Variants in NCS1 observed in about 807,000 individuals in gnomAD.
NCS1 encodes the protein frequenin homolog.
Under a neutral mutation model 28.4 loss-of-function variants are expected in NCS1, and 6 were observed. That is an observed-to-expected ratio of 0.21 (90% CI 0.12 to 0.42). NCS1 has a LOEUF of 0.42. NCS1 is among the 10% of genes least tolerant of loss of function. NCS1 has a pLI of 1.00. For synonymous variants in NCS1, 86 were observed against 99.3 expected, an observed-to-expected ratio of 0.87 and a Z score of 0.79; for missense variants, 131 against 241.4, an observed-to-expected ratio of 0.54 and a Z score of 3.03.
chr9:130,229,181 A>G (rs782398182), intron 7 of NCS1, among the ~76,000 whole-genome samples: 14 of 152,116 alleles, frequency 9.2e-5, no homozygotes, highest in Non-Finnish European at 1.8e-4. Context: ...CACTTACAAA[A>G]CTTAACACTC....
chr9:130,211,013 T>TTTC (rs1324009505), intron 2 of NCS1, among the ~76,000 whole-genome samples: 1 of 131,502 alleles, frequency 7.6e-6, no homozygotes, highest in African/African-American at 3.1e-5. Context: ...TCCACTAATT[T>TTTC]TTTTTTTTTT....
At chr9:130,223,774 A>C (rs1198282772) in intron 6 of NCS1, among the ~76,000 whole-genome samples, 1 of 152,146 alleles carries the variant, frequency 6.6e-6, no homozygotes, top group Non-Finnish European at 1.5e-5. Context: ...TTAGTAAAAA[A>C]AGGCTGATTT....
At chr9:130,200,679 G>T in intron 1 of NCS1, 2 of 1,548,442 alleles carry the variant, frequency 1.3e-6, no homozygotes, top group Non-Finnish European at 1.7e-6. Flanking sequence ...GCCACAGGGC[G>T]TTCCTGGGGG....
At chr9:130,212,515 T>G (rs1006926380) in intron 2 of NCS1, among the ~76,000 whole-genome samples, 1 of 148,756 alleles carries the variant, frequency 6.7e-6, no homozygotes, top group African/African-American at 2.5e-5. Flanking sequence ...AGCCACTTAC[T>G]TTACTCACAG....
At chr9:130,188,560 T>C (rs1325107169) in intron 1 of NCS1, among the ~76,000 whole-genome samples, 2 of 151,816 alleles carry the variant, frequency 1.3e-5, no homozygotes, top group East Asian at 1.9e-4. Flanking sequence ...TACAGGCATG[T>C]GCCACCATGA....
chr9:130,189,127 C>T (rs1447858083), intron 1 of NCS1, among the ~76,000 whole-genome samples: 2 of 152,192 alleles, frequency 1.3e-5, no homozygotes, highest in African/African-American at 2.4e-5. Context: ...GTGTCTAGGT[C>T]ATTGCTGTGT....
At chr9:130,201,549 G>T (rs1832947555) in intron 2 of NCS1, among the ~76,000 whole-genome samples, 1 of 152,152 alleles carries the variant, frequency 6.6e-6, no homozygotes. Flanking sequence ...GGCTGGGCCT[G>T]GGGGAGGAGG....
intron 2 of NCS1, 148 bp downstream of exon 2, chr9:130,201,130 T>A (rs1832942365): frequency 8.9e-7 from 1 of 1,126,734 alleles, no homozygotes; most frequent in Non-Finnish European, 1.4e-6. Flanking sequence ...CTTTGTTCAG[T>A]GGCCTTTGTC....
At chr9:130,227,927 G>A (rs1833439412) in intron 7 of NCS1, among the ~76,000 whole-genome samples, 1 of 152,110 alleles carries the variant, frequency 6.6e-6, no homozygotes, top group Admixed American at 6.6e-5. Context: ...GGGAAAATTG[G>A]GATACTTGTC....
rs1302956098 is a variant in NCS1, at chr9:130,219,552, C to T, written c.229-173C>T. 2.0e-5 allele frequency among the ~76,000 whole-genome samples: 3 copies of T among 151,946 alleles called. No homozygotes were observed. Among genetic ancestry groups the T allele is most frequent in the Non-Finnish European group, 2.9e-5 (2 of 67,984 alleles). On this transcript the variant is annotated intron_variant, in intron 3 of 7. Coordinates refer to ENST00000372398, the MANE Select transcript of NCS1 (RefSeq NM_014286.4). This position sits in a 1 kb window ranked among gnomAD's most constrained non-coding sequence, Gnocchi z 5.7. The stretch of plus-strand genomic sequence containing the variant: ...CACACAGTCCCCCAGCCTCTGCTCC[C>T]CACCCTCTCCTTGCCTCTCGCCCCC...
intron 6 of NCS1, among the ~76,000 whole-genome samples, chr9:130,224,220 C>T (rs1366290117): frequency 2.7e-5 from 4 of 146,446 alleles, no homozygotes; most frequent in East Asian, 2.1e-4. Context: ...TTTGGGAGGC[C>T]GAGGCGGGTG....
rs1356063205 is a variant in NCS1 at position 130,198,660 on chromosome 9, G to T, written c.65-2298G>T. ...CCTGTGGGGTTTTTGTGAAGCTGAG[G>T]AGCGGCAAGCACTTCAGTTTTCCCA... On this transcript the variant is annotated intron_variant, in intron 1 of 7. Transcript: ENST00000372398. Among the ~76,000 whole-genome samples the T allele has an allele frequency of 2.6e-5, 4 of 152,192 alleles. No individual in the cohort carries two copies. The East Asian group carries it at 7.7e-4, about 29-fold the overall frequency.
In NCS1 at chr9:130,191,887, T is replaced by C. The variant is rs1832820892; in HGVS notation, c.65-9071T>C. 6.6e-6 allele frequency among the ~76,000 whole-genome samples: 1 copy of C among 152,126 alleles called. No homozygotes were observed. Among genetic ancestry groups the C allele is most frequent in the Non-Finnish European group, 1.5e-5 (1 of 68,016 alleles). On this transcript the variant is annotated intron_variant, in intron 1 of 7. Transcript: ENST00000372398. This position sits in a 1 kb window ranked among gnomAD's most constrained non-coding sequence, Gnocchi z 6.4. ...CAGTCCTGGCTGGCACTCAGCGAAC[T>C]GGGGTGGAGACAGTGACTGCCAAGG...
chr9:130,182,348 C>T (rs1554905213), intron 1 of NCS1, among the ~76,000 whole-genome samples: 1 of 152,186 alleles, frequency 6.6e-6, no homozygotes, highest in African/African-American at 2.4e-5. Context: ...TTGGAGTTCC[C>T]TGCCAAGGGG....
intron 1 of NCS1, among the ~76,000 whole-genome samples, chr9:130,184,977 A>G (rs1832720256): frequency 6.6e-6 from 1 of 151,994 alleles, no homozygotes; most frequent in Non-Finnish European, 1.5e-5. Flanking sequence ...GTCTCAAAAA[A>G]AAAAAAAGGG....
At chr9:130,217,698 C>T (rs1391164270) in intron 2 of NCS1, 134 bp from the exon 3 acceptor site, 1 of 1,318,736 alleles carries the variant, frequency 7.6e-7, no homozygotes, top group Non-Finnish European at 1.1e-6. Flanking sequence ...CCTATCAAGT[C>T]CATGGCCCCA....
rs563445625 is a variant in NCS1 at position 130,236,575 on chromosome 9, G to A, written c.*3603G>A. On this transcript the variant is annotated 3_prime_UTR_variant, in exon 8 of 8. Transcript: ENST00000372398. ...TTTTTTTTTTTTTTTAATATCTGCGGAATAAACCCAATGGTTAATTTTTGA... is the reference window on the plus strand; with the variant it reads ...TTTTTTTTTTTTTTTAATATCTGCGAAATAAACCCAATGGTTAATTTTTGA... 4 of 150,882 alleles carry A rather than the reference G, an allele frequency of 2.7e-5. No homozygotes were observed. The highest frequency in any genetic ancestry group is 1.9e-4 in the East Asian group (1 of 5,148). The allele number at this position is 150,882 out of a possible 1,614,324, so 9.3% of individuals were successfully genotyped here. A position where few individuals can be genotyped will look rare whatever the true frequency, so the allele number is the denominator to read the frequency against.
rs1554909818 is a variant in NCS1 at position 130,219,066 on chromosome 9, C to T, written c.229-659C>T. Among the ~76,000 whole-genome samples, 1 of 152,142 alleles carries T rather than the reference C, an allele frequency of 6.6e-6. No homozygotes were observed. Among genetic ancestry groups the T allele is most frequent in the Non-Finnish European group, 1.5e-5 (1 of 68,022 alleles). ...AGACTTACCATGTGGTAGCTTGTGT[C>T]ACCTCCGGGCAGTGGCTGCACGGAT... On this transcript the variant is annotated intron_variant, in intron 3 of 7. Coordinates refer to ENST00000372398, the MANE Select transcript of NCS1 (RefSeq NM_014286.4). The surrounding 1 kb of genome is among the most constrained non-coding windows in gnomAD (Gnocchi z 5.7).
chr9:130,198,324 G>A (rs1273865521), intron 1 of NCS1, among the ~76,000 whole-genome samples: 3 of 152,268 alleles, frequency 2.0e-5, no homozygotes. Context: ...TGGGTGGGGG[G>A]TGTCAAGGGA....
Sources: allele counts gnomAD v4.1 joint callset (sites outside exome capture counted in the v4.1 genomes callset), GRCh38; gene constraint gnomAD v4.1.1; non-coding constraint Gnocchi (gnomAD v3.1); transcripts MANE v1.5; gene names NCBI Gene and HGNC (gene_info 2026-07-23, HGNC 2026-07-21).